The following ZFHX3 variants were observed in gnomAD, a reference collection of about 807,000 sequenced individuals.
ZFHX3 encodes the protein zinc finger homeobox protein 3.
A neutral mutation model predicts 279.1 loss-of-function variants in ZFHX3; 42 were observed. The ratio of observed to expected loss-of-function variants is 0.15; its 90% CI spans 0.12 to 0.19. The LOEUF is 0.19. Ranked by LOEUF, ZFHX3 falls within the 10% of genes least tolerant of loss-of-function variation. ZFHX3 has a pLI of 1.00. For missense variants in ZFHX3, 4,981 were observed against 4,754.0 expected, an observed-to-expected ratio of 1.05 and a Z score of -1.40; for synonymous variants, 2,293 against 1,957.8, an observed-to-expected ratio of 1.17 and a Z score of -4.52.
At chr16:73,816,230 G>A (rs1337861120) in intron 1 of ZFHX3, among the ~76,000 whole-genome samples, 1 of 152,104 alleles carries the variant, frequency 6.6e-6, no homozygotes, top group East Asian at 1.9e-4. Context: ...CATTTGTGCA[G>A]GAGATATTTA....
intron 2 of ZFHX3, among the ~76,000 whole-genome samples, chr16:73,628,074 C>T (rs897435278): frequency 6.6e-6 from 1 of 152,138 alleles, no homozygotes; most frequent in African/African-American, 2.4e-5. Context: ...TAACCAGATC[C>T]TAGCACAATG....
chr16:72,822,735 T>C (rs938775928), intron 5 of ZFHX3, among the ~76,000 whole-genome samples: 3 of 151,916 alleles, frequency 2.0e-5, no homozygotes, highest in African/African-American at 4.8e-5. Flanking sequence ...ACCTTGATGA[T>C]AGTTCTCATT....
At chr16:73,634,905 T>C (rs2052514356) in intron 2 of ZFHX3, among the ~76,000 whole-genome samples, 1 of 152,134 alleles carries the variant, frequency 6.6e-6, no homozygotes, top group Non-Finnish European at 1.5e-5. Context: ...TGTGTGTGTA[T>C]TTATGAGCTT....
chr16:72,797,233 C>G lies in ZFHX3; in HGVS notation c.5449G>C (p.Val1817Leu). The part of the protein sequence containing the change: ...FQLNPEVSLP[V>L]TSGALTLTGT... ...GTCAGTGTCAGTGCCCCACTGGTCA[C>G]TGGCAAGCTCACCTCGGGGTTAAGC... Residue 1817 changes from valine (V) to leucine (L), a missense_variant, in exon 9 of 10, where the codon GTG becomes CTG. This residue lies in a region of ZFHX3 where 1,751 missense variants were observed against 1,770.0 expected (regional missense o/e 0.99). Coordinates refer to ENST00000268489, the MANE Select transcript of ZFHX3 (RefSeq NM_006885.4). 1.2e-6 allele frequency: 2 copies of G among 1,613,886 alleles called. No homozygotes were observed. The highest frequency in any genetic ancestry group is 2.2e-5 in the South Asian group (2 of 91,064).
chr16:73,180,270 G>A (rs1214084757), intron 5 of ZFHX3, among the ~76,000 whole-genome samples: 1 of 152,112 alleles, frequency 6.6e-6, no homozygotes, highest in Admixed American at 6.6e-5. Context: ...AAATTTAAAG[G>A]CATGTTGGGA....
rs1000233330 is a variant in ZFHX3, at chr16:72,795,666, C to T, written c.7016G>A (p.Arg2339His). 2 of 1,613,912 alleles carry T rather than the reference C, an allele frequency of 1.2e-6. No individual in the cohort carries two copies. The highest frequency in any genetic ancestry group is 1.7e-6 in the Non-Finnish European group (2 of 1,179,954). Residue 2339 changes from arginine to histidine, a missense_variant, in exon 9 of 10, where the codon CGC becomes CAC. Coordinates refer to ENST00000268489, the MANE Select transcript of ZFHX3 (RefSeq NM_006885.4). ...QCKKCSLVFQRIFDLIKHQKK... is the reference protein window; with the variant it reads ...QCKKCSLVFQHIFDLIKHQKK... ...CTGGTGCTTGATGAGATCAAAGATG[C>T]GCTGAAACACCAGGCTACATTTTTT...
intron 5 of ZFHX3, among the ~76,000 whole-genome samples, chr16:73,157,347 T>A (rs1310488248): frequency 6.6e-6 from 1 of 150,972 alleles, no homozygotes; most frequent in Non-Finnish European, 1.5e-5. Context: ...CACGGACTTG[T>A]GTTGTGGAAA....
At chr16:73,388,863 CA>C (rs1336410945) in intron 3 of ZFHX3, 1 of 152,254 alleles carries the variant, frequency 6.6e-6, no homozygotes, top group Non-Finnish European at 1.5e-5. Flanking sequence ...GTCAGAATTT[CA>C]GACACTGTGA....
intron 2 of ZFHX3, among the ~76,000 whole-genome samples, chr16:73,474,131 T>TTATG (rs1331889062): frequency 4.7e-5 from 7 of 148,416 alleles, no homozygotes; most frequent in African/African-American, 1.7e-4. Flanking sequence ...TCGCTCTTTT[T>TTATG]TATTTATTTA....
Position 73,796,842 on chromosome 16 carries a change from T to A in ZFHX3, c.-1608+94809A>T, listed in dbSNP as rs79775945. ...GGTAAAACAACATTAACCCCTTCCT[T>A]GTTGGGGCTGTAACATGTCCTGGAT... On this transcript the variant is annotated intron_variant, in intron 1 of 17. Transcript: ENST00000641206. Among the ~76,000 whole-genome samples, 1,174 of 152,234 alleles carry A rather than the reference T, an allele frequency of 7.7e-3. 11 individuals are homozygous for A. Among genetic ancestry groups the A allele is most frequent in the African/African-American group, 0.027 (1,116 of 41,544 alleles).
At chr16:73,383,673 A>C in intron 3 of ZFHX3, among the ~76,000 whole-genome samples, 1 of 123,034 alleles carries the variant, frequency 8.1e-6, no homozygotes, top group African/African-American at 3.1e-5. Context: ...ATCCGAAGGA[A>C]CTGGAGGGGT....
rs532108382 is a variant in ZFHX3, at chr16:73,407,622, G to A, written c.-1291+48381C>T. On this transcript the variant is annotated intron_variant, in intron 3 of 17. Coordinates refer to the ZFHX3 transcript ENST00000641206. ...CCACCTTTAGTCTCCCACCTCCTAGGCTGGTGTTAGAACCAGGAGATCACA... is the reference window on the plus strand; with the variant it reads ...CCACCTTTAGTCTCCCACCTCCTAGACTGGTGTTAGAACCAGGAGATCACA... Among the ~76,000 whole-genome samples the A allele has an allele frequency of 2.6e-5, 4 of 152,238 alleles. No individual in the cohort carries two copies. In the South Asian group the frequency reaches 8.3e-4, roughly 32 times the overall value.
intron 4 of ZFHX3, among the ~76,000 whole-genome samples, chr16:72,832,678 G>C (rs1213756600): frequency 2.0e-5 from 2 of 101,018 alleles, no homozygotes; most frequent in Middle Eastern, 6.3e-3. Flanking sequence ...CACCTAAAAA[G>C]CAGGTCCCAT....
intron 1 of ZFHX3, among the ~76,000 whole-genome samples, chr16:73,716,347 C>G (rs1449190705): frequency 1.3e-5 from 2 of 152,096 alleles, no homozygotes; most frequent in African/African-American, 2.4e-5. Flanking sequence ...TTGTTTACAG[C>G]CACAGATTCA....
intron 5 of ZFHX3, among the ~76,000 whole-genome samples, chr16:73,155,427 G>A (rs573138984): frequency 6.6e-6 from 1 of 152,246 alleles, no homozygotes; most frequent in East Asian, 1.9e-4. Context: ...TTCAGCCCTT[G>A]CCCCAATCCC....
chr16:73,360,581 C>G (rs1451504227), intron 3 of ZFHX3, among the ~76,000 whole-genome samples: 1 of 152,188 alleles, frequency 6.6e-6, no homozygotes. Flanking sequence ...TCAAGTGATC[C>G]ACCCACCTTG....
intron 1 of ZFHX3, among the ~76,000 whole-genome samples, chr16:73,686,717 A>T (rs1409864037): frequency 6.6e-6 from 1 of 152,088 alleles, no homozygotes; most frequent in African/African-American, 2.4e-5. Context: ...TGTACTAACT[A>T]TAAAAGCAGT....
At chr16:73,563,088 C>G (rs949624267) in intron 2 of ZFHX3, among the ~76,000 whole-genome samples, 8 of 151,818 alleles carry the variant, frequency 5.3e-5, no homozygotes, top group African/African-American at 1.9e-4. Context: ...AAAACAAAGA[C>G]CAAGACTTTG....
In ZFHX3 at chr16:73,465,770, C is replaced by T. The variant is rs142375629; in HGVS notation, c.-1546-9512G>A. 5.5e-3 allele frequency among the ~76,000 whole-genome samples: 831 copies of T among 152,282 alleles called. 6 individuals are homozygous for T. The highest frequency in any genetic ancestry group is 0.019 in the African/African-American group (791 of 41,554). On this transcript the variant is annotated intron_variant, in intron 2 of 17. Coordinates refer to the ZFHX3 transcript ENST00000641206. ...TGAGTTCTTCTCTCCTTTCTTGGCT[C>T]CGCTTCTAACTCAAAATACAGATCA...
Sources: gnomAD v4.1 joint callset for allele counts (sites outside exome capture counted in the v4.1 genomes callset) on GRCh38, gnomAD v4.1.1 for gene constraint, gnomAD v4.1.1 regional missense constraint, MANE v1.5 for transcripts, NCBI Gene and HGNC (gene_info 2026-07-23, HGNC 2026-07-21) for gene names.